Variants in BZW2 observed in about 807,000 individuals in gnomAD.
The protein encoded by BZW2 is eIF5-mimic protein 1.
BZW2 carries 23 observed loss-of-function variants against 53.2 expected under a neutral mutation model. That is an observed-to-expected ratio of 0.43 (90% CI 0.31 to 0.61). The LOEUF is 0.61. Ranked by LOEUF, BZW2 falls within the 20% of genes least tolerant of loss-of-function variation. The pLI is 0.09. For synonymous variants in BZW2, 227 were observed against 186.4 expected (o/e 1.22, Z -1.77); for missense variants, 409 against 503.1 (o/e 0.81, Z 1.79).
chr7:16,675,175 A>G (rs1427498832), intron 3 of BZW2, among the ~76,000 whole-genome samples: 1 of 152,200 alleles, frequency 6.6e-6, no homozygotes, highest in Non-Finnish European at 1.5e-5. Context: ...AGATGATTCT[A>G]ATATTTATTA....
chr7:16,668,518 CTCT>C (rs1782501200), intron 2 of BZW2, among the ~76,000 whole-genome samples: 1 of 152,174 alleles, frequency 6.6e-6, no homozygotes. Context: ...TCATTTTCTG[CTCT>C]TCTTAGTAGT....
chr7:16,671,507 G>C (rs1304980668), intron 2 of BZW2, among the ~76,000 whole-genome samples: 1 of 152,136 alleles, frequency 6.6e-6, no homozygotes, highest in African/African-American at 2.4e-5. Context: ...TTATCCACAA[G>C]AGTACTATTG....
At chr7:16,691,678 G>C (rs1192752687) in intron 7 of BZW2, among the ~76,000 whole-genome samples, 2 of 152,218 alleles carry the variant, frequency 1.3e-5, no homozygotes, top group Non-Finnish European at 2.9e-5. Context: ...TAGCAAGGAG[G>C]GGGTTCTCTT....
chr7:16,678,135 T>C (rs1782824459), intron 3 of BZW2, among the ~76,000 whole-genome samples: 1 of 140,838 alleles, frequency 7.1e-6, no homozygotes, highest in Admixed American at 7.7e-5. Flanking sequence ...CAGGCTGGAG[T>C]GTTGGCTCAC....
chr7:16,654,046 A>G (rs1348110711), intron 1 of BZW2, among the ~76,000 whole-genome samples: 1 of 135,836 alleles, frequency 7.4e-6, no homozygotes, highest in African/African-American at 2.7e-5. Flanking sequence ...CAGGAGTTCG[A>G]GACCAGCCTG....
At chr7:16,692,289 T>C (rs1452153552) in intron 7 of BZW2, among the ~76,000 whole-genome samples, 1 of 152,172 alleles carries the variant, frequency 6.6e-6, no homozygotes, top group Non-Finnish European at 1.5e-5. Context: ...GATATTGATC[T>C]CTTCCATTAT....
At position 16,688,691 on chromosome 7, in the gene BZW2, A is replaced by G. The variant is rs372582630; in HGVS notation, c.542-1106A>G. On this transcript the variant is annotated intron_variant, in intron 6 of 11. Transcript: ENST00000258761. ...AAAATCAGTTAAATGTTTCAGTTAC[A>G]TCTTAACTCTTCATTAAATAACCGC... The G allele has an allele frequency of 2.6e-5, 4 of 152,366 alleles. No homozygotes were observed. In the South Asian group the frequency reaches 6.2e-4, roughly 24 times the overall value. The allele number at this position is 152,366 out of a possible 1,614,324, so 9.4% of individuals were successfully genotyped here. A position where few individuals can be genotyped will look rare whatever the true frequency, so the allele number is the denominator to read the frequency against.
chr7:16,706,217 G>A lies in BZW2; in HGVS notation c.*129G>A. 1.0e-6 allele frequency: 1 copy of A among 977,452 alleles called. No homozygotes were observed. Among genetic ancestry groups the A allele is most frequent in the Non-Finnish European group, 1.5e-6 (1 of 646,974 alleles). The allele number at this position is 977,452 out of a possible 1,614,324, so 60.5% of individuals were successfully genotyped here. A position where few individuals can be genotyped will look rare whatever the true frequency, so the allele number is the denominator to read the frequency against. Reference sequence around the variant, plus strand: ...AAAAAAAATAGGATAGGCTTCCCTTGTGCAGAGGGAGAAATGGTTTTGTTT... The same window carrying A: ...AAAAAAAATAGGATAGGCTTCCCTTATGCAGAGGGAGAAATGGTTTTGTTT... On this transcript the variant is annotated 3_prime_UTR_variant, in exon 12 of 12. Coordinates refer to ENST00000258761, the MANE Select transcript of BZW2 (RefSeq NM_014038.3).
At chr7:16,691,406 A>G (rs954008002) in intron 7 of BZW2, among the ~76,000 whole-genome samples, 1 of 152,228 alleles carries the variant, frequency 6.6e-6, no homozygotes, top group Admixed American at 6.5e-5. Context: ...TTTCTTGTCC[A>G]TGAGGCTGTG....
chr7:16,673,363 T>C (rs1240841344), intron 2 of BZW2, among the ~76,000 whole-genome samples: 4 of 152,216 alleles, frequency 2.6e-5, no homozygotes, highest in African/African-American at 7.2e-5. Context: ...TTCACGTCTT[T>C]CACACATTCT....
chr7:16,685,412 GT>G (rs553560253), intron 5 of BZW2, among the ~76,000 whole-genome samples: 107 of 141,770 alleles, frequency 7.5e-4, no homozygotes, highest in Middle Eastern at 3.7e-3. Flanking sequence ...ACTCTTTCCT[GT>G]TTTTTTTTTT....
chr7:16,675,664 T>G (rs1782741336), intron 3 of BZW2, among the ~76,000 whole-genome samples: 1 of 152,246 alleles, frequency 6.6e-6, no homozygotes, highest in Admixed American at 6.5e-5. Context: ...TTATTGTTTA[T>G]GAAGAGCTTA....
chr7:16,646,536 C>CGCGG (rs954908667), intron 1 of BZW2, among the ~76,000 whole-genome samples: 2 of 148,334 alleles, frequency 1.3e-5, no homozygotes, highest in Admixed American at 1.3e-4. Flanking sequence ...ACCCTGGGAC[C>CGCGG]GCGGGCGGGC....
chr7:16,705,640 A>G (rs1783828496), intron 11 of BZW2, among the ~76,000 whole-genome samples: 1 of 148,946 alleles, frequency 6.7e-6, no homozygotes, highest in African/African-American at 2.5e-5. Flanking sequence ...AGCCAAGATC[A>G]CAGCACTGCA....
chr7:16,681,717 A>G (rs530331154), intron 4 of BZW2, among the ~76,000 whole-genome samples: 1 of 152,296 alleles, frequency 6.6e-6, no homozygotes, highest in African/African-American at 2.4e-5. Flanking sequence ...CTGTAATCCC[A>G]GCTACTTGGG....
rs10611881 is a variant in BZW2 at position 16,691,878 on chromosome 7, CTGTGTGTGTG to C, written c.651+1988_651+1997del. ...GTCATTTAGCTGTTTTTACTAGGTT[CTGTGTGTGTG>C]TGTGTGTGTGTGTGTACATATGTGT... is the stretch of plus-strand genomic sequence containing the variant. On this transcript the variant is annotated intron_variant, in intron 7 of 11. Transcript: ENST00000258761. Among the ~76,000 whole-genome samples the C allele has an allele frequency of 6.7e-5, 10 of 149,688 alleles. 1 individual carries two copies. The South Asian group carries it at 1.7e-3, about 25-fold the overall frequency.
chr7:16,651,485 T>C (rs1322234523), intron 1 of BZW2, among the ~76,000 whole-genome samples: 1 of 152,176 alleles, frequency 6.6e-6, no homozygotes, highest in Non-Finnish European at 1.5e-5. Context: ...AAAAAAGAAA[T>C]GTTATATGTT....
At chr7:16,660,008 C>G (rs139661195) in intron 1 of BZW2, among the ~76,000 whole-genome samples, 1 of 151,304 alleles carries the variant, frequency 6.6e-6, no homozygotes, top group Non-Finnish European at 1.5e-5. Context: ...CCCTCCCCCA[C>G]CCCACAACAG....
chr7:16,667,555 GT>G (rs1344148474), intron 2 of BZW2, among the ~76,000 whole-genome samples: 1 of 152,154 alleles, frequency 6.6e-6, no homozygotes, highest in Non-Finnish European at 1.5e-5. Context: ...CTCCATTTAA[GT>G]AACAAGTCTA....
Sources: allele counts gnomAD v4.1 joint callset (sites outside exome capture counted in the v4.1 genomes callset), GRCh38; gene constraint gnomAD v4.1.1; transcripts MANE v1.5; gene names NCBI Gene and HGNC (gene_info 2026-07-23, HGNC 2026-07-21).